The following ROBO2 variants were observed in gnomAD, a reference collection of about 807,000 sequenced individuals.
ROBO2 encodes the protein roundabout guidance receptor 2.
A neutral mutation model predicts 160.8 loss-of-function variants in ROBO2; 53 were observed. The observed-to-expected ratio is 0.33, with a 90% confidence interval of 0.26 to 0.41. The LOEUF (loss-of-function observed/expected upper bound fraction) is 0.41. ROBO2 is among the 10% of genes least tolerant of loss of function. The pLI, the probability that ROBO2 is intolerant of heterozygous loss-of-function variation, is 1.00. For synonymous variants in ROBO2, 664 were observed against 611.7 expected, an observed-to-expected ratio of 1.09 and a Z score of -1.26; for missense variants, 1,577 against 1,722.4, an observed-to-expected ratio of 0.92 and a Z score of 1.49.
intron 2 of ROBO2, among the ~76,000 whole-genome samples, chr3:77,006,143 T>A (rs929443158): frequency 1.3e-5 from 2 of 152,088 alleles, no homozygotes; most frequent in African/African-American, 4.8e-5. Flanking sequence ...GTAGTACAAG[T>A]AGTCTTTCCT....
At chr3:77,445,152 A>G (rs954758564) in intron 2 of ROBO2, among the ~76,000 whole-genome samples, 1 of 152,220 alleles carries the variant, frequency 6.6e-6, no homozygotes, top group Admixed American at 6.5e-5. Flanking sequence ...TGTCTTAAGA[A>G]GATGAAGACA....
intron 2 of ROBO2, among the ~76,000 whole-genome samples, chr3:76,719,542 A>G (rs2093432372): frequency 6.6e-6 from 1 of 152,158 alleles, no homozygotes; most frequent in Non-Finnish European, 1.5e-5. Flanking sequence ...TCTGAAATAC[A>G]TATCATTAAT....
In ROBO2 at chr3:76,039,801, A is replaced by C. The variant is rs147578750; in HGVS notation, c.109+102199A>C. ...AGAAATATTTGTATATGATGTAATG[A>C]AAGGCTTTGTAAAGTTTATTTGCAT... On this transcript the variant is annotated intron_variant, in intron 2 of 26. Coordinates refer to the ROBO2 transcript ENST00000487694. Among the ~76,000 whole-genome samples the C allele has an allele frequency of 5.1e-3, 779 of 152,178 alleles. 6 individuals carry two copies. The highest frequency in any genetic ancestry group is 7.7e-3 in the Non-Finnish European group (522 of 68,030).
chr3:77,533,874 A>G (rs2091920053), intron 6 of ROBO2, among the ~76,000 whole-genome samples: 1 of 149,618 alleles, frequency 6.7e-6, no homozygotes, highest in Non-Finnish European at 1.5e-5. Context: ...AATGCTGCCA[A>G]CTACAGTAGG....
chr3:77,188,472 T>A (rs139952046), intron 2 of ROBO2, among the ~76,000 whole-genome samples: 1 of 151,740 alleles, frequency 6.6e-6, no homozygotes, highest in East Asian at 1.9e-4. Flanking sequence ...AAGAAATGGG[T>A]TTCTGAGCAT....
intron 2 of ROBO2, among the ~76,000 whole-genome samples, chr3:76,141,527 C>T (rs906171564): frequency 1.3e-5 from 2 of 151,266 alleles, no homozygotes; most frequent in African/African-American, 4.9e-5. Flanking sequence ...AATAAAAATA[C>T]AAGGTAGGAA....
At chr3:77,337,968 G>A (rs2066657732) in intron 2 of ROBO2, among the ~76,000 whole-genome samples, 1 of 152,064 alleles carries the variant, frequency 6.6e-6, no homozygotes, top group African/African-American at 2.4e-5. Context: ...GTACGTATTG[G>A]TTGATGTTTC....
In ROBO2 at chr3:77,407,344, T is replaced by C. The variant is rs368970173; in HGVS notation, c.389-70070T>C. Reference sequence around the variant, plus strand: ...TCTAAGCCTTTTAGAATCGTTTCTTTAGATATTTATATGATCTTATAAACA... The same window carrying C: ...TCTAAGCCTTTTAGAATCGTTTCTTCAGATATTTATATGATCTTATAAACA... On this transcript the variant is annotated intron_variant, in intron 2 of 25. Transcript: ENST00000461745. Among the ~76,000 whole-genome samples the C allele has an allele frequency of 5.3e-5, 8 of 152,216 alleles. No homozygotes were observed. In the East Asian group the frequency reaches 5.8e-4, roughly 11 times the overall value.
intron 2 of ROBO2, among the ~76,000 whole-genome samples, chr3:77,459,140 T>C (rs1025165781): frequency 1.3e-5 from 2 of 152,228 alleles, no homozygotes; most frequent in Non-Finnish European, 2.9e-5. Flanking sequence ...TACAAGCTAC[T>C]GGCTTTTTTC....
intron 24 of ROBO2, among the ~76,000 whole-genome samples, chr3:77,635,971 T>C (rs1386323206): frequency 1.3e-5 from 2 of 152,122 alleles, no homozygotes; most frequent in South Asian, 2.1e-4. Context: ...ACTTTCTGGT[T>C]CATAGAGGGT....
chr3:75,921,871 A>G (rs1576147348), intron 1 of ROBO2, among the ~76,000 whole-genome samples: 1 of 152,166 alleles, frequency 6.6e-6, no homozygotes, highest in Admixed American at 6.5e-5. Context: ...CCTCAATGGT[A>G]TATGTGTAGA....
chr3:75,963,826 C>T (rs767845582), intron 2 of ROBO2, among the ~76,000 whole-genome samples: 9 of 151,730 alleles, frequency 5.9e-5, no homozygotes, highest in South Asian at 2.1e-4. Flanking sequence ...TCTGTCTTCA[C>T]GCAGTTGTAC....
At chr3:76,981,894 C>G (rs917260799) in intron 2 of ROBO2, among the ~76,000 whole-genome samples, 3 of 152,006 alleles carry the variant, frequency 2.0e-5, no homozygotes, top group African/African-American at 7.2e-5. Flanking sequence ...ATGACCAGCT[C>G]TCCCCAGAAC....
chr3:77,229,592 T>C (rs1423448740), intron 2 of ROBO2, among the ~76,000 whole-genome samples: 2 of 149,924 alleles, frequency 1.3e-5, no homozygotes, highest in African/African-American at 4.9e-5. Context: ...ACCCAGGAGG[T>C]AGAGGTTGCA....
Position 76,072,363 on chromosome 3 carries a change from T to C in ROBO2, c.109+134761T>C, listed in dbSNP as rs1392399380. 3.9e-5 allele frequency among the ~76,000 whole-genome samples: 6 copies of C among 152,158 alleles called. No homozygotes were observed. The South Asian group carries it at 8.3e-4, about 21-fold the overall frequency. On this transcript the variant is annotated intron_variant, in intron 2 of 26. Transcript: ENST00000487694. ...CTTTTTCATATTTTACCTGCTATTT[T>C]GTGGAGAAATGTTTCAAAAAGTAGC...
At chr3:76,871,116 C>T (rs183036849) in intron 2 of ROBO2, among the ~76,000 whole-genome samples, 17 of 152,156 alleles carry the variant, frequency 1.1e-4, no homozygotes, top group African/African-American at 4.1e-4. Flanking sequence ...CAGTGATTTG[C>T]TCTTGTCAGG....
intron 2 of ROBO2, among the ~76,000 whole-genome samples, chr3:77,010,657 G>A (rs1324472089): frequency 1.3e-5 from 2 of 152,148 alleles, no homozygotes; most frequent in South Asian, 2.1e-4. Flanking sequence ...TCTTCAGATG[G>A]TTCCATGGCT....
At chr3:77,322,974 T>C (rs369846156) in intron 2 of ROBO2, among the ~76,000 whole-genome samples, 4,503 of 102,484 alleles carry the variant, frequency 0.044, 1 homozygote, top group Non-Finnish European at 0.072. Flanking sequence ...TAATATATTA[T>C]ATTATATTAT....
chr3:77,422,427 G>T (rs1035123867), intron 2 of ROBO2, among the ~76,000 whole-genome samples: 2 of 152,022 alleles, frequency 1.3e-5, no homozygotes, highest in Admixed American at 6.6e-5. Flanking sequence ...ACGGCTCCTG[G>T]TACAAATTGT....
Sources: gnomAD v4.1 joint callset for allele counts (sites outside exome capture counted in the v4.1 genomes callset) on GRCh38, gnomAD v4.1.1 for gene constraint, MANE v1.5 for transcripts, NCBI Gene and HGNC (gene_info 2026-07-23, HGNC 2026-07-21) for gene names.